The following KCNK13 variants were observed in gnomAD, a reference collection of about 807,000 sequenced individuals.
The protein encoded by KCNK13 is potassium channel subfamily K member 13.
A neutral mutation model predicts 23.4 loss-of-function variants in KCNK13; 12 were observed. The observed-to-expected ratio is 0.51, with a 90% CI of 0.33 to 0.83. The LOEUF is 0.83. KCNK13 is among the 40% of genes least tolerant of loss of function. KCNK13 has a pLI of 0.02. For missense variants in KCNK13, 463 were observed against 556.3 expected (o/e 0.83, Z 1.69); for synonymous variants, 231 against 229.5 (o/e 1.01, Z -0.06).
At chr14:90,168,696 CAG>C (rs1890332131) in intron 1 of KCNK13, among the ~76,000 whole-genome samples, 1 of 152,198 alleles carries the variant, frequency 6.6e-6, no homozygotes, top group South Asian at 2.1e-4. Flanking sequence ...ACAAGCTCCT[CAG>C]GGGATTTCTT....
At chr14:90,065,482 G>A (rs541412523) in intron 1 of KCNK13, among the ~76,000 whole-genome samples, 2 of 152,316 alleles carry the variant, frequency 1.3e-5, no homozygotes, top group South Asian at 4.1e-4. Context: ...TCGGTGCAAG[G>A]GAAAGTGAAT....
chr14:90,120,939 G>T (rs1181344480), intron 1 of KCNK13, among the ~76,000 whole-genome samples: 1 of 78,112 alleles, frequency 1.3e-5, no homozygotes, highest in Non-Finnish European at 2.8e-5. Context: ...TAGATACAAG[G>T]GGGGTACAGA....
At position 90,123,049 on chromosome 14, in the gene KCNK13, T is replaced by C. The variant is rs561840288; in HGVS notation, c.334+60510T>C. Reference sequence around the variant, plus strand: ...GACATAAGCCCAGGGTCACAGCTGCTTTAATTGTATTTATTGAACTATAGC... The same window carrying C: ...GACATAAGCCCAGGGTCACAGCTGCCTTAATTGTATTTATTGAACTATAGC... On this transcript the variant is annotated intron_variant, in intron 1 of 1. Transcript: ENST00000282146. Among the ~76,000 whole-genome samples the C allele has an allele frequency of 2.6e-5, 4 of 152,300 alleles. No individual in the cohort carries two copies. In the South Asian group the frequency reaches 8.3e-4, roughly 32 times the overall value.
intron 1 of KCNK13, among the ~76,000 whole-genome samples, chr14:90,098,608 A>T (rs1003930099): frequency 6.6e-6 from 1 of 151,482 alleles, no homozygotes; most frequent in Non-Finnish European, 1.5e-5. Context: ...AGGCGAGATC[A>T]TGCCACTGCA....
Position 90,071,846 on chromosome 14 carries a change from C to T in KCNK13, c.334+9307C>T, listed in dbSNP as rs552579413. ...CTGGAAGGCGGAAGTTGCAGTGAGC[C>T]GAGATCGCACCACTGCACTCCAGCC... On this transcript the variant is annotated intron_variant, in intron 1 of 1. Transcript: ENST00000282146. Among the ~76,000 whole-genome samples the T allele has an allele frequency of 9.2e-5, 14 of 151,496 alleles. No individual in the cohort carries two copies. The South Asian group carries it at 2.9e-3, about 32-fold the overall frequency.
intron 1 of KCNK13, among the ~76,000 whole-genome samples, chr14:90,183,007 C>T (rs1305508672): frequency 3.3e-5 from 5 of 152,158 alleles, no homozygotes; most frequent in Non-Finnish European, 7.3e-5. Context: ...AAAGAACCCT[C>T]ATCCCTCTGA....
At chr14:90,166,538 T>G (rs965323785) in intron 1 of KCNK13, among the ~76,000 whole-genome samples, 2 of 151,988 alleles carry the variant, frequency 1.3e-5, no homozygotes, top group African/African-American at 4.8e-5. Flanking sequence ...AAACCCCATC[T>G]CTACTAAAAA....
chr14:90,107,165 G>C (rs1889553817), intron 1 of KCNK13, among the ~76,000 whole-genome samples: 1 of 151,940 alleles, frequency 6.6e-6, no homozygotes, highest in African/African-American at 2.4e-5. Context: ...TGCCTGAGAT[G>C]GTGCACATTT....
At chr14:90,132,829 A>C (rs777201164) in intron 1 of KCNK13, among the ~76,000 whole-genome samples, 2 of 152,198 alleles carry the variant, frequency 1.3e-5, no homozygotes, top group Non-Finnish European at 2.9e-5. Context: ...TTCACTGTTT[A>C]CAAAGCCCTG....
chr14:90,080,606 C>T lies in KCNK13; in HGVS notation c.334+18067C>T, dbSNP rs547504338. Among the ~76,000 whole-genome samples, 31 of 152,224 alleles carry T rather than the reference C, an allele frequency of 2.0e-4. No individual in the cohort carries two copies. The South Asian group carries it at 4.6e-3, about 22-fold the overall frequency. ...GGATCAGGAATAACAGGTTTTCAGA[C>T]TTGCTTTTATATTTGCAGCCATCAT... is the stretch of plus-strand genomic sequence containing the variant. On this transcript the variant is annotated intron_variant, in intron 1 of 1. Transcript: ENST00000282146.
intron 1 of KCNK13, among the ~76,000 whole-genome samples, chr14:90,066,817 C>A (rs1368344813): frequency 4.6e-5 from 7 of 150,560 alleles, no homozygotes; most frequent in Non-Finnish European, 1.0e-4. Flanking sequence ...GGTATATATC[C>A]AAAAAAAAAT....
intron 1 of KCNK13, among the ~76,000 whole-genome samples, chr14:90,068,631 C>T (rs536315374): frequency 1.9e-4 from 29 of 152,200 alleles, no homozygotes; most frequent in African/African-American, 6.7e-4. Context: ...GAAATGCAGA[C>T]TCTCAGGTCA....
At chr14:90,157,949 C>T (rs1890213633) in intron 1 of KCNK13, among the ~76,000 whole-genome samples, 1 of 152,204 alleles carries the variant, frequency 6.6e-6, no homozygotes, top group Non-Finnish European at 1.5e-5. Context: ...GATCCATCCA[C>T]CTCAGCCTCC....
intron 1 of KCNK13, among the ~76,000 whole-genome samples, chr14:90,149,515 T>C (rs1890111139): frequency 6.6e-6 from 1 of 152,190 alleles, no homozygotes; most frequent in Non-Finnish European, 1.5e-5. Context: ...TATTAAACCA[T>C]CAGATCTCGT....
intron 1 of KCNK13, among the ~76,000 whole-genome samples, chr14:90,173,716 A>G (rs1566652083): frequency 6.6e-6 from 1 of 152,170 alleles, no homozygotes; most frequent in East Asian, 1.9e-4. Flanking sequence ...AGTAGAGGTT[A>G]CAAGCAGAAT....
Position 90,062,269 on chromosome 14 carries a change from C to T in KCNK13, c.64C>T (p.Leu22=). 6.5e-7 allele frequency: 1 copy of T among 1,533,262 alleles called. No homozygotes were observed. Among genetic ancestry groups the T allele is most frequent in the Non-Finnish European group, 8.7e-7 (1 of 1,147,736 alleles). 95.0% of individuals were successfully genotyped at this position (1,533,262 alleles called of 1,614,324 possible). A position where few individuals can be genotyped will look rare whatever the true frequency, so the allele number is the denominator to read the frequency against. ...HLNEDNARFL[L]LAALIVLYLL... is the part of the protein sequence containing the mutation. The stretch of plus-strand genomic sequence containing the variant: ...GAACGAGGACAACGCGCGCTTTCTG[C>T]TGCTGGCCGCGCTCATCGTGCTCTA... Residue 22 remains leucine, a synonymous_variant, in exon 1 of 2, where the codon CTG becomes TTG. Coordinates refer to ENST00000282146, the MANE Select transcript of KCNK13 (RefSeq NM_022054.4). The surrounding 1 kb of genome is among the most constrained non-coding windows in gnomAD (Gnocchi z 4.5).
At chr14:90,146,726 G>A (rs1890077671) in intron 1 of KCNK13, among the ~76,000 whole-genome samples, 1 of 151,678 alleles carries the variant, frequency 6.6e-6, no homozygotes, top group Non-Finnish European at 1.5e-5. Flanking sequence ...TTTCCAATCT[G>A]ACAATCAGTG....
chr14:90,075,392 A>G (rs1340184911), intron 1 of KCNK13, among the ~76,000 whole-genome samples: 6 of 152,160 alleles, frequency 3.9e-5, no homozygotes, highest in Admixed American at 3.3e-4. Flanking sequence ...GCTTCTTTAA[A>G]TGACATTTTT....
chr14:90,184,740 C>T lies in KCNK13; in HGVS notation c.964C>T (p.Arg322Cys), dbSNP rs749112938. 25 of 1,614,024 alleles carry T rather than the reference C, an allele frequency of 1.5e-5. No individual in the cohort carries two copies. Among genetic ancestry groups the T allele is most frequent in the East Asian group, 1.1e-4 (5 of 44,900 alleles). The change falls in exon 2 of 2, where the codon CGC (arginine) becomes TGC (cysteine). Residue 322 changes from arginine (R) to cysteine (C), a missense_variant. Around this residue, in one of 3 missense-constraint regions of KCNK13, gnomAD observed 166 missense variants for 178.8 expected, o/e 0.93. Coordinates refer to ENST00000282146, the MANE Select transcript of KCNK13 (RefSeq NM_022054.4). The surrounding 1 kb of genome is among the most constrained non-coding windows in gnomAD (Gnocchi z 5.6). ...GGTGATGCCAGGCAGCGTCCGGAAC[C>T]GCTGCAACATCTCCATAGAGACAGA... ...NVVMPGSVRN[R>C]CNISIETDGV...
Sources: gnomAD v4.1 joint callset for allele counts (sites outside exome capture counted in the v4.1 genomes callset) on GRCh38, gnomAD v4.1.1 for gene constraint, gnomAD v4.1.1 regional missense constraint, Gnocchi (gnomAD v3.1) non-coding constraint, MANE v1.5 for transcripts, NCBI Gene and HGNC (gene_info 2026-07-23, HGNC 2026-07-21) for gene names.